Variants in RAB22A observed in about 807,000 individuals in gnomAD.
The protein encoded by RAB22A is ras-related protein Rab-22A.
In RAB22A, 13 loss-of-function variants were observed where a neutral mutation model predicts 30.2. The ratio of observed to expected loss-of-function variants is 0.43; its 90% CI spans 0.28 to 0.68. The LOEUF (loss-of-function observed/expected upper bound fraction) is 0.68. RAB22A is among the 30% of genes least tolerant of loss of function. RAB22A has a pLI of 0.18. For synonymous variants in RAB22A, 89 were observed against 87.2 expected, an observed-to-expected ratio of 1.02 and a Z score of -0.11; for missense variants, 177 against 246.8, an observed-to-expected ratio of 0.72 and a Z score of 1.89.
At chr20:58,329,947 G>C (rs1315818855) in intron 2 of RAB22A, among the ~76,000 whole-genome samples, 2 of 152,146 alleles carry the variant, frequency 1.3e-5, no homozygotes, top group Admixed American at 6.5e-5. Context: ...AAAGTATCTG[G>C]GGGGGAAGAG....
In RAB22A at chr20:58,354,245, A is replaced by G. The variant is rs760240465; in HGVS notation, c.467A>G (p.Asn156Ser). 2 of 1,612,492 alleles carry G rather than the reference A, an allele frequency of 1.2e-6. No homozygotes were observed. Among genetic ancestry groups the G allele is most frequent in the South Asian group, 1.1e-5 (1 of 91,004 alleles). Residue 156 changes from asparagine to serine, a missense_variant, in exon 6 of 7, where the codon AAT becomes AGT. Physicochemically the swap from Asn to Ser is conservative, Grantham distance 46 (BLOSUM62 1). Coordinates refer to ENST00000244040, the MANE Select transcript of RAB22A (RefSeq NM_020673.3). ...ETSAKNAINI[N>S]ELFIEISRRI... is the part of the protein sequence containing the mutation. The stretch of plus-strand genomic sequence containing the variant: ...AGCGCAAAAAACGCGATAAACATAA[A>G]TGAACTCTTTATAGAAATTAGTGAG...
At chr20:58,320,667 A>G (rs1041153273) in intron 2 of RAB22A, among the ~76,000 whole-genome samples, 1 of 151,998 alleles carries the variant, frequency 6.6e-6, no homozygotes, top group Non-Finnish European at 1.5e-5. Flanking sequence ...TTCTCTTGTG[A>G]CTTCTTTGAG....
intron 2 of RAB22A, among the ~76,000 whole-genome samples, chr20:58,339,521 C>T (rs1986819679): frequency 6.6e-6 from 1 of 152,168 alleles, no homozygotes; most frequent in South Asian, 2.1e-4. Context: ...AGTAGTCCCA[C>T]TGGAAGATTA....
At chr20:58,332,573 A>G (rs929249791) in intron 2 of RAB22A, among the ~76,000 whole-genome samples, 1 of 152,224 alleles carries the variant, frequency 6.6e-6, no homozygotes, top group African/African-American at 2.4e-5. Context: ...TCCAAACTGA[A>G]ATGCAAAGAG....
At chr20:58,325,289 C>A (rs1682296689) in intron 2 of RAB22A, among the ~76,000 whole-genome samples, 1 of 151,838 alleles carries the variant, frequency 6.6e-6, no homozygotes, top group African/African-American at 2.4e-5. Context: ...CCATCCTGGC[C>A]AACATGGTGA....
intron 6 of RAB22A, among the ~76,000 whole-genome samples, chr20:58,356,895 A>G (rs1304829441): frequency 1.3e-5 from 2 of 152,158 alleles, no homozygotes; most frequent in Non-Finnish European, 2.9e-5. Flanking sequence ...AATACCCACA[A>G]TATAATTATC....
At chr20:58,336,875 A>C (rs576108268) in intron 2 of RAB22A, among the ~76,000 whole-genome samples, 1 of 151,610 alleles carries the variant, frequency 6.6e-6, no homozygotes, top group Non-Finnish European at 1.5e-5. Flanking sequence ...ACCTAACTGC[A>C]CTCTGCCCAC....
At chr20:58,347,802 T>A (rs1356410893) in intron 3 of RAB22A, among the ~76,000 whole-genome samples, 1 of 152,190 alleles carries the variant, frequency 6.6e-6, no homozygotes, top group Non-Finnish European at 1.5e-5. Flanking sequence ...ACCAATTATC[T>A]CCTTCAGTAA....
chr20:58,355,665 A>G (rs758144181), intron 6 of RAB22A, among the ~76,000 whole-genome samples: 2 of 152,140 alleles, frequency 1.3e-5, no homozygotes, highest in Non-Finnish European at 2.9e-5. Flanking sequence ...AAAAAAATAT[A>G]AAAATCAAAA....
At chr20:58,330,104 G>A (rs1276058704) in intron 2 of RAB22A, among the ~76,000 whole-genome samples, 1 of 152,182 alleles carries the variant, frequency 6.6e-6, no homozygotes, top group Non-Finnish European at 1.5e-5. Flanking sequence ...AAGTATATGA[G>A]AGGATACATG....
chr20:58,312,545 G>A (rs1304910911), intron 2 of RAB22A, among the ~76,000 whole-genome samples: 23 of 132,948 alleles, frequency 1.7e-4, no homozygotes, highest in Admixed American at 7.0e-4. Context: ...CTGGAGTGCA[G>A]TGGCGCGATC....
At chr20:58,311,862 A>G (rs1051927953) in intron 2 of RAB22A, among the ~76,000 whole-genome samples, 2 of 152,232 alleles carry the variant, frequency 1.3e-5, no homozygotes, top group African/African-American at 4.8e-5. Context: ...CATGCAGATC[A>G]TTCTTTGACT....
chr20:58,312,483 T>C (rs1368449226), intron 2 of RAB22A, among the ~76,000 whole-genome samples: 1 of 97,536 alleles, frequency 1.0e-5, no homozygotes, highest in Non-Finnish European at 2.1e-5. Context: ...TTTTTTTTTT[T>C]TTTTTTTTTT....
intron 2 of RAB22A, among the ~76,000 whole-genome samples, chr20:58,339,530 T>C (rs1040452007): frequency 1.3e-5 from 2 of 152,156 alleles, no homozygotes; most frequent in South Asian, 2.1e-4. Context: ...ACTGGAAGAT[T>C]AGGGTCCAAT....
chr20:58,324,006 T>G (rs1726668872), intron 2 of RAB22A, among the ~76,000 whole-genome samples: 1 of 152,204 alleles, frequency 6.6e-6, no homozygotes, highest in East Asian at 1.9e-4. Context: ...TTTAGAATTT[T>G]TATGTATGTT....
intron 2 of RAB22A, among the ~76,000 whole-genome samples, chr20:58,337,877 A>G (rs1456530863): frequency 6.6e-6 from 1 of 152,212 alleles, no homozygotes; most frequent in Non-Finnish European, 1.5e-5. Flanking sequence ...GTCACATGTG[A>G]AATCATTAGA....
At chr20:58,325,255 G>T (rs2122936447) in intron 2 of RAB22A, among the ~76,000 whole-genome samples, 1 of 150,886 alleles carries the variant, frequency 6.6e-6, no homozygotes, top group East Asian at 2.0e-4. Flanking sequence ...CAGGTGGGCG[G>T]ATCACAAGGT....
At chr20:58,354,342 T>C (rs1016316675) in intron 6 of RAB22A, 77 bp downstream of exon 6, 6 of 1,022,530 alleles carry the variant, frequency 5.9e-6, no homozygotes, top group Non-Finnish European at 8.6e-6. Context: ...TTAGAATTCC[T>C]GTCTTACTTA....
intron 2 of RAB22A, among the ~76,000 whole-genome samples, chr20:58,341,411 G>A (rs956430827): frequency 6.6e-6 from 1 of 152,134 alleles, no homozygotes; most frequent in Non-Finnish European, 1.5e-5. Context: ...CAGGTGGAGA[G>A]GCTGTTGGGG....
Sources: allele counts gnomAD v4.1 joint callset (sites outside exome capture counted in the v4.1 genomes callset), GRCh38; gene constraint gnomAD v4.1.1; transcripts MANE v1.5; gene names NCBI Gene and HGNC (gene_info 2026-07-23, HGNC 2026-07-21).